Variants in ADK observed in about 807,000 individuals in gnomAD.
ADK encodes the protein adenosine kinase.
A neutral mutation model predicts 44.7 loss-of-function variants in ADK; 24 were observed. The ratio of observed to expected loss-of-function variants is 0.54; its 90% CI spans 0.39 to 0.76. The LOEUF (loss-of-function observed/expected upper bound fraction) is 0.76. ADK is among the 30% of genes least tolerant of loss of function. The pLI, the probability that ADK is intolerant of heterozygous loss-of-function variation, is 0.00. For synonymous variants in ADK, 128 were observed against 142.6 expected (o/e 0.90, Z 0.73); for missense variants, 321 against 425.1 (o/e 0.76, Z 2.15).
intron 6 of ADK, among the ~76,000 whole-genome samples, chr10:74,404,680 G>T (rs1343661528): frequency 6.6e-6 from 1 of 151,960 alleles, no homozygotes; most frequent in Non-Finnish European, 1.5e-5. Context: ...CCCAAATTTT[G>T]CTGCTTTTAA....
chr10:74,578,496 A>C (rs1373870365), intron 7 of ADK, among the ~76,000 whole-genome samples: 1 of 152,158 alleles, frequency 6.6e-6, no homozygotes, highest in Non-Finnish European at 1.5e-5. Flanking sequence ...CTCTACTTCA[A>C]CTCTGTCTGT....
At chr10:74,187,901 C>T in intron 1 of ADK, among the ~76,000 whole-genome samples, 1 of 152,142 alleles carries the variant, frequency 6.6e-6, no homozygotes, top group East Asian at 1.9e-4. Context: ...TATGTCAATG[C>T]CACACTGTCT....
intron 7 of ADK, chr10:74,529,410 G>C (rs1849195128): frequency 6.6e-6 from 1 of 152,080 alleles, no homozygotes; most frequent in Non-Finnish European, 1.5e-5. Flanking sequence ...TTCTGTTTGG[G>C]ATGATGAAAA....
chr10:74,373,602 C>G (rs894030343), intron 4 of ADK, among the ~76,000 whole-genome samples: 1 of 152,032 alleles, frequency 6.6e-6, no homozygotes, highest in African/African-American at 2.4e-5. Flanking sequence ...ATATTAAAGT[C>G]AAAACTACAA....
chr10:74,513,648 G>A (rs774680249), intron 6 of ADK, among the ~76,000 whole-genome samples: 1 of 152,088 alleles, frequency 6.6e-6, no homozygotes, highest in Non-Finnish European at 1.5e-5. Flanking sequence ...CTTGTAGATA[G>A]CATATAATTG....
At chr10:74,622,996 A>C (rs764091152) in intron 9 of ADK, among the ~76,000 whole-genome samples, 13 of 152,178 alleles carry the variant, frequency 8.5e-5, no homozygotes, top group Non-Finnish European at 1.6e-4. Flanking sequence ...AACAAGAGTG[A>C]AACTCCGTCT....
chr10:74,635,915 C>G (rs923453434), intron 9 of ADK, among the ~76,000 whole-genome samples: 2 of 144,602 alleles, frequency 1.4e-5, no homozygotes, highest in African/African-American at 2.6e-5. Context: ...AAGACCCCAT[C>G]TCTACCAAAA....
At chr10:74,381,383 T>C (rs1842972466) in intron 4 of ADK, among the ~76,000 whole-genome samples, 1 of 152,186 alleles carries the variant, frequency 6.6e-6, no homozygotes, top group Non-Finnish European at 1.5e-5. Context: ...ACCTGCCACT[T>C]TATAGATTCC....
intron 6 of ADK, among the ~76,000 whole-genome samples, chr10:74,448,329 A>T (rs1308652550): frequency 2.0e-5 from 3 of 152,088 alleles, no homozygotes; most frequent in African/African-American, 4.8e-5. Context: ...CCCAGTGCTG[A>T]TTATGCCACC....
At chr10:74,577,150 G>GTGTA (rs1554883628) in intron 7 of ADK, among the ~76,000 whole-genome samples, 381 of 149,088 alleles carry the variant, frequency 2.6e-3, no homozygotes, top group African/African-American at 5.3e-3. Context: ...GTGTGTGTGT[G>GTGTA]TGTAGTCTAA....
intron 4 of ADK, among the ~76,000 whole-genome samples, chr10:74,393,439 T>C (rs1843407146): frequency 6.6e-6 from 1 of 152,184 alleles, no homozygotes; most frequent in Non-Finnish European, 1.5e-5. Flanking sequence ...AAATGAGATA[T>C]TTGTAACTAG....
chr10:74,493,390 CACAT>C (rs1026164406), intron 6 of ADK, among the ~76,000 whole-genome samples: 20 of 149,936 alleles, frequency 1.3e-4, no homozygotes, highest in Non-Finnish European at 2.1e-4. Flanking sequence ...TGTATATCCA[CACAT>C]ACATACATAC....
chr10:74,266,769 A>T (rs1465264200), intron 3 of ADK, among the ~76,000 whole-genome samples: 2 of 152,168 alleles, frequency 1.3e-5, no homozygotes, highest in Non-Finnish European at 2.9e-5. Flanking sequence ...TTCTAATTTT[A>T]AAGGTTGTAT....
At chr10:74,698,871 TTTG>T (rs373300150) in intron 10 of ADK, among the ~76,000 whole-genome samples, 2 of 151,822 alleles carry the variant, frequency 1.3e-5, no homozygotes, top group African/African-American at 4.8e-5. Context: ...TTTTTGTTTT[TTTG>T]TTGTTGTTGT....
In ADK at chr10:74,356,002, A is replaced by ATATTTTT. The variant is rs57958159; in HGVS notation, c.274-38138_274-38137insATTTTTT. ...TCTGAAATATTTCACTAAATAATTC[A>ATATTTTT]TTTTTTTTTTTTTTTTTTTTTTTTT... On this transcript the variant is annotated intron_variant, in intron 4 of 10. Coordinates refer to ENST00000539909, the MANE Select transcript of ADK (RefSeq NM_006721.4). Among the ~76,000 whole-genome samples the ATATTTTT allele has an allele frequency of 7.7e-4, 64 of 83,294 alleles. 1 individual carries two copies. The highest frequency in any genetic ancestry group is 3.1e-3 in the African/African-American group (61 of 19,608). 54.6% of individuals were successfully genotyped at this position (83,294 alleles called of 152,430 possible). A position where few individuals can be genotyped will look rare whatever the true frequency, so the allele number is the denominator to read the frequency against.
At position 74,709,210 on chromosome 10, in the gene ADK, T is replaced by A. The variant is rs1235946705; in HGVS notation, c.*765T>A. Reference sequence around the variant, plus strand: ...CCTGAAATGACACCCAATTTGTTAATGGAATTATGAAGAACAGCAATATAA... The same window carrying A: ...CCTGAAATGACACCCAATTTGTTAAAGGAATTATGAAGAACAGCAATATAA... On this transcript the variant is annotated 3_prime_UTR_variant, in exon 11 of 11. Transcript: ENST00000539909. 6.6e-6 allele frequency: 1 copy of A among 152,200 alleles called. No homozygotes were observed. Among genetic ancestry groups the A allele is most frequent in the Admixed American group, 6.5e-5 (1 of 15,276 alleles). 9.4% of individuals were successfully genotyped at this position (152,200 alleles called of 1,614,324 possible). A position where few individuals can be genotyped will look rare whatever the true frequency, so the allele number is the denominator to read the frequency against.
chr10:74,333,504 A>G (rs544787587), intron 4 of ADK, among the ~76,000 whole-genome samples: 3 of 152,280 alleles, frequency 2.0e-5, no homozygotes, highest in African/African-American at 7.2e-5. Flanking sequence ...TCATTGGTCA[A>G]TAGGAGAAAC....
chr10:74,488,374 CG>C (rs1333303158), intron 6 of ADK, among the ~76,000 whole-genome samples: 1 of 140,768 alleles, frequency 7.1e-6, no homozygotes, highest in South Asian at 2.3e-4. Flanking sequence ...GGAAAAAAGA[CG>C]TGTGTGTGTG....
chr10:74,153,297 G>A (rs11000899), intron 1 of ADK, among the ~76,000 whole-genome samples: 17,574 of 152,166 alleles, frequency 0.12, 1,064 homozygotes, highest in Middle Eastern at 0.2. Context: ...GATATTTTTG[G>A]TAGGGAGAGC....
Sources: gnomAD v4.1 joint callset for allele counts (sites outside exome capture counted in the v4.1 genomes callset) on GRCh38, gnomAD v4.1.1 for gene constraint, MANE v1.5 for transcripts, NCBI Gene and HGNC (gene_info 2026-07-23, HGNC 2026-07-21) for gene names.